The following POU6F2 variants were observed in gnomAD, a reference collection of about 807,000 sequenced individuals.
The protein encoded by POU6F2 is POU domain, class 6, transcription factor 2.
POU6F2 carries 31 observed loss-of-function variants against 71.3 expected under a neutral mutation model. The ratio of observed to expected loss-of-function variants is 0.43; its 90% CI spans 0.33 to 0.59. POU6F2 has a LOEUF of 0.59. Ranked by LOEUF, POU6F2 falls within the 20% of genes least tolerant of loss-of-function variation. The pLI is 0.04. For synonymous variants in POU6F2, 347 were observed against 355.7 expected (o/e 0.98, Z 0.27); for missense variants, 783 against 856.8 (o/e 0.91, Z 1.07).
chr7:39,038,892 G>A (rs1199364148), intron 1 of POU6F2, among the ~76,000 whole-genome samples: 1 of 151,778 alleles, frequency 6.6e-6, no homozygotes, highest in African/African-American at 2.4e-5. Flanking sequence ...TCCTTCTGTC[G>A]ACAGGGAATA....
intron 4 of POU6F2, among the ~76,000 whole-genome samples, chr7:39,223,554 C>T (rs965093300): frequency 2.0e-5 from 3 of 152,174 alleles, no homozygotes; most frequent in African/African-American, 7.2e-5. Context: ...GTGACTTGCT[C>T]AGTAAAATCC....
rs181452937 is a variant in POU6F2, at chr7:39,256,651, C to T, written c.598+49031C>T. Among the ~76,000 whole-genome samples the T allele has an allele frequency of 6.2e-4, 95 of 152,258 alleles. 2 individuals are homozygous for T. The South Asian group carries it at 0.019, about 31-fold the overall frequency. ...GATTATCGAGTGGACTCAATGTAAT[C>T]ACAAGGTCCTTTAAAGCAGAAGGAG... On this transcript the variant is annotated intron_variant, in intron 4 of 9. Transcript: ENST00000518318.
chr7:39,197,207 A>C (rs1239904087), intron 2 of POU6F2, among the ~76,000 whole-genome samples: 1 of 152,146 alleles, frequency 6.6e-6, no homozygotes. Flanking sequence ...TGGCTGTCAC[A>C]TGCTCCACTC....
chr7:39,054,428 G>T (rs1790465175), intron 1 of POU6F2, among the ~76,000 whole-genome samples: 1 of 152,012 alleles, frequency 6.6e-6, no homozygotes, highest in Non-Finnish European at 1.5e-5. Flanking sequence ...CCCATACTAG[G>T]GTGACATTAA....
rs148646215 is a variant in POU6F2 at position 39,046,244 on chromosome 7, T to G, written c.106-39616T>G. On this transcript the variant is annotated intron_variant, in intron 1 of 9. Coordinates refer to ENST00000518318, the MANE Select transcript of POU6F2 (RefSeq NM_001370959.1). ...TCCTTTCCCGTGTCTTTTAGCTATT[T>G]GTATATCTCATTTGGCGAAAGTATA... Among the ~76,000 whole-genome samples, 698 of 152,058 alleles carry G rather than the reference T, an allele frequency of 4.6e-3. 14 individuals carry two copies. The highest frequency in any genetic ancestry group is 0.043 in the South Asian group (206 of 4,822).
intron 4 of POU6F2, among the ~76,000 whole-genome samples, chr7:39,299,226 C>T (rs1377670062): frequency 6.6e-6 from 1 of 152,032 alleles, no homozygotes; most frequent in Non-Finnish European, 1.5e-5. Context: ...TTAAACTACC[C>T]TCACCTGCTT....
chr7:39,064,550 A>T (rs1046617812), intron 1 of POU6F2, among the ~76,000 whole-genome samples: 2 of 151,932 alleles, frequency 1.3e-5, no homozygotes, highest in African/African-American at 2.4e-5. Context: ...AAATAAAAAT[A>T]AAAATTAAAC....
In POU6F2 at chr7:39,347,392, G is replaced by A. The variant is rs561544989; in HGVS notation, c.972+7377G>A. Among the ~76,000 whole-genome samples the A allele has an allele frequency of 7.9e-4, 120 of 152,198 alleles. 2 individuals carry two copies. The highest frequency in any genetic ancestry group is 1.4e-3 in the Non-Finnish European group (98 of 68,012). On this transcript the variant is annotated intron_variant, in intron 5 of 9. Transcript: ENST00000518318. The stretch of plus-strand genomic sequence containing the variant: ...AGGCTAATAATTGCATGTCAGTTTC[G>A]TAGCGTCATCCTGAGTCAGAGAGGT...
intron 2 of POU6F2, among the ~76,000 whole-genome samples, chr7:39,122,704 ATTTTTT>A (rs1199309217): frequency 1.7e-5 from 2 of 117,146 alleles, no homozygotes; most frequent in African/African-American, 3.3e-5. Context: ...ATGCATGCCT[ATTTTTT>A]TTTTTTTTTT....
chr7:39,198,458 A>G (rs1393752282), intron 2 of POU6F2, among the ~76,000 whole-genome samples: 1 of 152,230 alleles, frequency 6.6e-6, no homozygotes, highest in Non-Finnish European at 1.5e-5. Flanking sequence ...TCACCCAAAG[A>G]AAGCTGGACT....
At chr7:39,154,752 A>G (rs189062675) in intron 2 of POU6F2, among the ~76,000 whole-genome samples, 17 of 152,146 alleles carry the variant, frequency 1.1e-4, no homozygotes, top group African/African-American at 3.4e-4. Flanking sequence ...GGGGAAGAGA[A>G]TATCACTACT....
chr7:39,011,641 T>A (rs1789288181), intron 1 of POU6F2, among the ~76,000 whole-genome samples: 1 of 150,600 alleles, frequency 6.6e-6, no homozygotes, highest in African/African-American at 2.4e-5. Context: ...CATTTTGGCA[T>A]GATTTTGCAG....
At chr7:39,437,068 T>C (rs886513011) in intron 7 of POU6F2, among the ~76,000 whole-genome samples, 1 of 152,236 alleles carries the variant, frequency 6.6e-6, no homozygotes, top group Non-Finnish European at 1.5e-5. Flanking sequence ...TCAGGAATAT[T>C]GGCCTGAAGT....
intron 2 of POU6F2, among the ~76,000 whole-genome samples, chr7:39,193,737 A>G (rs1793718311): frequency 6.6e-6 from 1 of 152,248 alleles, no homozygotes; most frequent in Admixed American, 6.5e-5. Flanking sequence ...ATGTTTGAGC[A>G]GTAGAGAAAC....
intron 5 of POU6F2, among the ~76,000 whole-genome samples, chr7:39,348,897 T>C (rs1386247046): frequency 1.3e-5 from 2 of 152,240 alleles, no homozygotes; most frequent in African/African-American, 4.8e-5. Context: ...GCAGTAGAGA[T>C]GTCTAGTTAA....
intron 1 of POU6F2, among the ~76,000 whole-genome samples, chr7:39,056,241 T>C (rs1417051138): frequency 6.6e-6 from 1 of 152,112 alleles, no homozygotes; most frequent in Non-Finnish European, 1.5e-5. Flanking sequence ...ATAGATGTTG[T>C]ATGTTGTTTC....
At chr7:38,995,899 G>A (rs982760218) in intron 1 of POU6F2, among the ~76,000 whole-genome samples, 3 of 152,256 alleles carry the variant, frequency 2.0e-5, no homozygotes, top group East Asian at 3.9e-4. Flanking sequence ...TTTACTTCTT[G>A]TATCTATCCT....
At chr7:38,987,029 C>T (rs897450535) in intron 1 of POU6F2, among the ~76,000 whole-genome samples, 1 of 152,092 alleles carries the variant, frequency 6.6e-6, no homozygotes, top group African/African-American at 2.4e-5. Context: ...TTAGTCTCTG[C>T]AATCAGTCTA....
At chr7:39,084,396 A>G (rs539472850) in intron 1 of POU6F2, among the ~76,000 whole-genome samples, 2 of 152,294 alleles carry the variant, frequency 1.3e-5, no homozygotes, top group African/African-American at 4.8e-5. Context: ...TTAAGTATTA[A>G]TTTTGCCCTC....
Sources: allele counts gnomAD v4.1 joint callset (sites outside exome capture counted in the v4.1 genomes callset), GRCh38; gene constraint gnomAD v4.1.1; transcripts MANE v1.5; gene names NCBI Gene and HGNC (gene_info 2026-07-23, HGNC 2026-07-21).